The following MIPOL1 variants were observed in gnomAD, a reference collection of about 807,000 sequenced individuals.
MIPOL1 encodes the protein mirror-image polydactyly gene 1 protein.
A neutral mutation model predicts 60.9 loss-of-function variants in MIPOL1; 57 were observed. The ratio of observed to expected loss-of-function variants is 0.94; its 90% CI spans 0.76 to 1.17. The LOEUF (loss-of-function observed/expected upper bound fraction) is 1.17. MIPOL1 is among the 50% of genes most tolerant of loss of function. The pLI is 0.00. For synonymous variants in MIPOL1, 179 were observed against 168.8 expected, an observed-to-expected ratio of 1.06 and a Z score of -0.47; for missense variants, 551 against 511.6, an observed-to-expected ratio of 1.08 and a Z score of -0.74.
At chr14:37,431,513 C>T (rs756693972) in intron 11 of MIPOL1, among the ~76,000 whole-genome samples, 14 of 149,230 alleles carry the variant, frequency 9.4e-5, no homozygotes, top group Non-Finnish European at 1.8e-4. Context: ...TAATAAAGTC[C>T]GAACTCTTTA....
intron 10 of MIPOL1, among the ~76,000 whole-genome samples, chr14:37,402,755 GTT>G (rs570278726): frequency 2.0e-4 from 30 of 152,298 alleles, no homozygotes; most frequent in Admixed American, 2.0e-3. Context: ...ATTGCCATTA[GTT>G]TTTTCCAAAG....
chr14:37,344,322 ATTAAAAATAAAATAAAGTCAG>A (rs1441310028), intron 9 of MIPOL1, among the ~76,000 whole-genome samples: 3 of 152,052 alleles, frequency 2.0e-5, no homozygotes, highest in Non-Finnish European at 4.4e-5. Flanking sequence ...TTTTAAATAA[ATTAAAAATAAAATAAAGTCAG>A]TTTTCTTTTC....
At chr14:37,400,575 GA>G (rs566062203) in intron 10 of MIPOL1, 45 of 152,260 alleles carry the variant, frequency 3.0e-4, no homozygotes, top group African/African-American at 1.1e-3. Context: ...TATCCAAAAG[GA>G]GGACTATTTT....
At chr14:37,358,788 GT>G (rs2092026084) in intron 9 of MIPOL1, among the ~76,000 whole-genome samples, 1 of 152,132 alleles carries the variant, frequency 6.6e-6, no homozygotes, top group Non-Finnish European at 1.5e-5. Flanking sequence ...TAGGTTGCCT[GT>G]TCACTCTGAG....
At chr14:37,347,087 A>G (rs1031411224) in intron 9 of MIPOL1, among the ~76,000 whole-genome samples, 1 of 152,210 alleles carries the variant, frequency 6.6e-6, no homozygotes, top group Non-Finnish European at 1.5e-5. Context: ...ATCTACACAC[A>G]CAAGTTAATA....
At chr14:37,541,594 C>T (rs1036475893) in intron 12 of MIPOL1, among the ~76,000 whole-genome samples, 5 of 152,312 alleles carry the variant, frequency 3.3e-5, no homozygotes, top group African/African-American at 1.2e-4. Context: ...ACCTCCCTTT[C>T]TTGTCCTATT....
intron 9 of MIPOL1, among the ~76,000 whole-genome samples, chr14:37,331,783 G>C (rs1334799397): frequency 6.6e-6 from 1 of 152,062 alleles, no homozygotes; most frequent in Non-Finnish European, 1.5e-5. Flanking sequence ...AAATTGCTCT[G>C]TCTAGGACTT....
chr14:37,497,063 A>T (rs951474307), intron 11 of MIPOL1, among the ~76,000 whole-genome samples: 8 of 152,052 alleles, frequency 5.3e-5, no homozygotes, highest in Admixed American at 3.3e-4. Context: ...CTATTTAATA[A>T]ATGGTGCTGG....
At chr14:37,296,628 C>T (rs1594973298) in intron 7 of MIPOL1, among the ~76,000 whole-genome samples, 1 of 152,076 alleles carries the variant, frequency 6.6e-6, no homozygotes, top group Non-Finnish European at 1.5e-5. Flanking sequence ...GGGATATCAC[C>T]ACTGATCCCA....
Position 37,208,492 on chromosome 14 carries a change from G to A in MIPOL1, c.-199+10388G>A, listed in dbSNP as rs181981676. ...GATAGTATAGATCAATTAACTTTTA[G>A]AAAACATAGCAAGTAATACATGAAA... is the stretch of plus-strand genomic sequence containing the variant. On this transcript the variant is annotated intron_variant, in intron 1 of 12. Coordinates refer to ENST00000684589, the MANE Select transcript of MIPOL1 (RefSeq NM_001388067.1). Among the ~76,000 whole-genome samples, 266 of 152,190 alleles carry A rather than the reference G, an allele frequency of 1.7e-3. 1 individual carries two copies. The highest frequency in any genetic ancestry group is 6.1e-3 in the African/African-American group (254 of 41,546).
In MIPOL1 at chr14:37,197,974, C is replaced by G. The variant is rs1421309257; in HGVS notation, c.-329C>G. The G allele has an allele frequency of 1.3e-5, 2 of 152,270 alleles. No individual in the cohort carries two copies. Among genetic ancestry groups the G allele is most frequent in the African/African-American group, 2.4e-5 (1 of 41,460 alleles). The allele number at this position is 152,270 out of a possible 1,614,324, so 9.4% of individuals were successfully genotyped here. A position where few individuals can be genotyped will look rare whatever the true frequency, so the allele number is the denominator to read the frequency against. On this transcript the variant is annotated 5_prime_UTR_variant, in exon 1 of 13. Transcript: ENST00000684589. ...CCGCCCCGCTCCTCCGCCGGATCGT[C>G]TGTGGGTGAGTCTCGAGCCAGGAGG...
intron 11 of MIPOL1, among the ~76,000 whole-genome samples, chr14:37,441,223 T>C (rs1401456095): frequency 6.6e-6 from 1 of 152,118 alleles, no homozygotes; most frequent in Non-Finnish European, 1.5e-5. Context: ...TTGTGTTGTG[T>C]AGAAGCTTTT....
At chr14:37,477,832 A>G (rs1225890771) in intron 11 of MIPOL1, among the ~76,000 whole-genome samples, 4 of 152,244 alleles carry the variant, frequency 2.6e-5, no homozygotes, top group African/African-American at 9.6e-5. Context: ...TGGATGCATG[A>G]ACAGCAGGTC....
At chr14:37,458,652 C>T (rs534209653) in intron 11 of MIPOL1, among the ~76,000 whole-genome samples, 25 of 151,598 alleles carry the variant, frequency 1.6e-4, no homozygotes, top group African/African-American at 5.6e-4. Flanking sequence ...AACCCCGTCT[C>T]TACTAAAAAA....
At chr14:37,426,888 G>A (rs1318628475) in intron 11 of MIPOL1, among the ~76,000 whole-genome samples, 2 of 151,838 alleles carry the variant, frequency 1.3e-5, no homozygotes, top group East Asian at 3.9e-4. Flanking sequence ...AAAATTTAAG[G>A]GAAGTTGCAT....
At chr14:37,277,463 A>G (rs1175441005) in intron 6 of MIPOL1, 1 of 151,318 alleles carries the variant, frequency 6.6e-6, no homozygotes, top group African/African-American at 2.4e-5. Context: ...CCAATATCAC[A>G]TATATTAAAT....
chr14:37,524,254 T>C (rs2153632706), intron 12 of MIPOL1, among the ~76,000 whole-genome samples: 1 of 152,198 alleles, frequency 6.6e-6, no homozygotes, highest in South Asian at 2.1e-4. Context: ...CACTAGGAAG[T>C]AATAGAACTG....
intron 12 of MIPOL1, among the ~76,000 whole-genome samples, chr14:37,526,113 CT>C (rs1305742944): frequency 2.6e-5 from 4 of 151,322 alleles, no homozygotes; most frequent in Admixed American, 2.6e-4. Flanking sequence ...TGATAGATAA[CT>C]TAAAATATGA....
intron 7 of MIPOL1, among the ~76,000 whole-genome samples, chr14:37,298,131 C>T (rs935472873): frequency 6.6e-6 from 1 of 152,134 alleles, no homozygotes; most frequent in African/African-American, 2.4e-5. Context: ...AAATAGAGCC[C>T]TCAGAAATAA....
Sources: gnomAD v4.1 joint callset for allele counts (sites outside exome capture counted in the v4.1 genomes callset) on GRCh38, gnomAD v4.1.1 for gene constraint, MANE v1.5 for transcripts, NCBI Gene and HGNC (gene_info 2026-07-23, HGNC 2026-07-21) for gene names.